E2F5: variants seen among roughly 807,000 people sequenced by gnomAD.
E2F5 encodes the protein E2F transcription factor 5, also known as transcription factor E2F5.
Under a neutral mutation model 39.1 loss-of-function variants are expected in E2F5, and 23 were observed. That is an observed-to-expected ratio of 0.59 (90% CI 0.42 to 0.83). The LOEUF is 0.83. Among genes scored for constraint, E2F5 ranks in the 40% least tolerant of loss-of-function variants. The pLI is 0.00. For missense variants in E2F5, 365 were observed against 406.7 expected, an observed-to-expected ratio of 0.90 and a Z score of 0.88; for synonymous variants, 145 against 157.8, an observed-to-expected ratio of 0.92 and a Z score of 0.61.
At chr8:85,205,715 C>T (rs568128197) in intron 3 of E2F5, among the ~76,000 whole-genome samples, 14 of 152,330 alleles carry the variant, frequency 9.2e-5, no homozygotes, top group Admixed American at 2.6e-4. Context: ...CCTTGCCTCC[C>T]GTCACTAGGA....
At chr8:85,204,004 C>G (rs2129728465) in intron 3 of E2F5, among the ~76,000 whole-genome samples, 1 of 151,944 alleles carries the variant, frequency 6.6e-6, no homozygotes, top group Non-Finnish European at 1.5e-5. Flanking sequence ...CTTGTAGCAC[C>G]TCATGAAATT....
intron 1 of E2F5, among the ~76,000 whole-genome samples, chr8:85,185,100 T>A (rs1420060061): frequency 6.6e-6 from 1 of 152,176 alleles, no homozygotes; most frequent in Non-Finnish European, 1.5e-5. Context: ...TCATGCTACC[T>A]GACTTCAAAC....
intron 4 of E2F5, 133 bp downstream of exon 4, chr8:85,206,353 C>A (rs1467033090): frequency 1.2e-6 from 1 of 824,590 alleles, no homozygotes; most frequent in Non-Finnish European, 1.9e-6. Context: ...TCCACCATGC[C>A]GTGTATTGAT....
intron 1 of E2F5, among the ~76,000 whole-genome samples, chr8:85,197,861 G>T (rs2129701070): frequency 6.6e-6 from 1 of 152,234 alleles, no homozygotes; most frequent in South Asian, 2.1e-4. Context: ...GTCCAGGGCT[G>T]GAGGAAAATG....
chr8:85,200,344 A>G (rs1297512270), intron 1 of E2F5: 8 of 875,686 alleles, frequency 9.1e-6, no homozygotes, highest in Non-Finnish European at 9.4e-6. Flanking sequence ...ATGTTTACAT[A>G]CTTAAATAGT....
At chr8:85,197,756 A>G (rs980219463) in intron 1 of E2F5, among the ~76,000 whole-genome samples, 1 of 152,186 alleles carries the variant, frequency 6.6e-6, no homozygotes, top group Non-Finnish European at 1.5e-5. Flanking sequence ...ATTAAGAAAT[A>G]TATATACTTA....
At position 85,214,444 on chromosome 8, in the gene E2F5, T is replaced by G; in HGVS notation, c.*582T>G. ...AGGTTATAGGAAAGATCTGTTTATG[T>G]AGTTTGTTTTTAAAATGTGCCAATG... On this transcript the variant is annotated 3_prime_UTR_variant, in exon 8 of 8. Coordinates refer to ENST00000416274, the MANE Select transcript of E2F5 (RefSeq NM_001951.4). 1.4e-6 allele frequency: 1 copy of G among 733,002 alleles called. No homozygotes were observed. Among genetic ancestry groups the G allele is most frequent in the Non-Finnish European group, 2.4e-6 (1 of 414,808 alleles). 45.4% of individuals were successfully genotyped at this position (733,002 alleles called of 1,614,324 possible). A position where few individuals can be genotyped will look rare whatever the true frequency, so the allele number is the denominator to read the frequency against.
intron 1 of E2F5, among the ~76,000 whole-genome samples, chr8:85,186,762 G>T (rs1812350454): frequency 6.8e-6 from 1 of 146,494 alleles, no homozygotes; most frequent in South Asian, 2.1e-4. Context: ...TATATATAAG[G>T]TGTATATATA....
chr8:85,179,581 T>C (rs1280853184), intron 1 of E2F5, among the ~76,000 whole-genome samples: 1 of 151,512 alleles, frequency 6.6e-6, no homozygotes, highest in Non-Finnish European at 1.5e-5. Context: ...AGTTTTCATA[T>C]ATATGTATGA....
rs4150934 is a variant in E2F5 at position 85,202,033 on chromosome 8, C to T, written c.235-114C>T. 0.014 allele frequency: 11,741 copies of T among 810,572 alleles called. 950 individuals are homozygous for T. The African/African-American group carries it at 0.18, about 12-fold the overall frequency. The allele number at this position is 810,572 out of a possible 1,614,324, so 50.2% of individuals were successfully genotyped here. A position where few individuals can be genotyped will look rare whatever the true frequency, so the allele number is the denominator to read the frequency against. ...ATGCTCAGCTATTGTCCCCAAGCAA[C>T]TGAGTGGGTCAAATTTGAGATTGGA... On this transcript the variant is annotated intron_variant, in intron 1 of 7. Transcript: ENST00000416274.
Position 85,207,451 on chromosome 8 carries a change from C to A in E2F5, c.577C>A (p.Pro193Thr), listed in dbSNP as rs1453252616. Reference sequence around the variant, plus strand: ...TGATACACTTTTGGCCATTCAGGCACCTTCTGGTACACAACTGGAGGTACC... The same window carrying A: ...TGATACACTTTTGGCCATTCAGGCAACTTCTGGTACACAACTGGAGGTACC... ...NGDTLLAIQAPSGTQLEVPIP... is the reference protein window; with the variant it reads ...NGDTLLAIQATSGTQLEVPIP... The change falls in exon 5 of 8, where the codon CCT becomes ACT. Residue 193 changes from proline (P) to threonine (T), a missense_variant. Physicochemically the swap from Pro to Thr is conservative, Grantham distance 38. Transcript: ENST00000416274. 2 of 1,561,674 alleles carry A rather than the reference C, an allele frequency of 1.3e-6. No homozygotes were observed. Among genetic ancestry groups the A allele is most frequent in the Non-Finnish European group, 1.7e-6 (2 of 1,151,682 alleles).
chr8:85,193,484 A>G (rs765479192), intron 1 of E2F5, among the ~76,000 whole-genome samples: 69 of 152,180 alleles, frequency 4.5e-4, no homozygotes, highest in Non-Finnish European at 8.8e-4. Flanking sequence ...ATCTCAATCA[A>G]TCGATCAATC....
intron 1 of E2F5, among the ~76,000 whole-genome samples, chr8:85,192,712 GT>G (rs893439638): frequency 6.6e-6 from 1 of 152,212 alleles, no homozygotes; most frequent in African/African-American, 2.4e-5. Flanking sequence ...CATAATAATA[GT>G]TTTTAAGTCC....
chr8:85,196,574 G>C (rs954771118), intron 1 of E2F5, among the ~76,000 whole-genome samples: 2 of 152,034 alleles, frequency 1.3e-5, no homozygotes, highest in Non-Finnish European at 2.9e-5. Flanking sequence ...GAAACTTTTG[G>C]CTGTGTACCA....
chr8:85,206,245 G>T, intron 4 of E2F5, 25 bp downstream of exon 4: 1 of 1,604,576 alleles, frequency 6.2e-7, no homozygotes, highest in Non-Finnish European at 8.5e-7. Flanking sequence ...ACTTTTCCTT[G>T]CATTCTTCCT....
chr8:85,201,586 C>A (rs1010892072), intron 1 of E2F5, among the ~76,000 whole-genome samples: 1 of 152,116 alleles, frequency 6.6e-6, no homozygotes, highest in African/African-American at 2.4e-5. Context: ...TGATTTCTTG[C>A]TGATTTTATG....
chr8:85,192,356 A>C (rs1812484058), intron 1 of E2F5, among the ~76,000 whole-genome samples: 1 of 152,206 alleles, frequency 6.6e-6, no homozygotes, highest in African/African-American at 2.4e-5. Context: ...TTGGAACCCA[A>C]GATAAAGTTG....
rs535646390 is a variant in E2F5 at position 85,200,409 on chromosome 8, T to C, written c.235-1738T>C. The C allele has an allele frequency of 1.5e-5, 8 of 538,944 alleles. No individual in the cohort carries two copies. In the South Asian group the frequency reaches 6.4e-4, roughly 43 times the overall value. 33.4% of individuals were successfully genotyped at this position (538,944 alleles called of 1,614,324 possible). On this transcript the variant is annotated intron_variant, in intron 1 of 7. Coordinates refer to ENST00000416274, the MANE Select transcript of E2F5 (RefSeq NM_001951.4). ...AGAAACTAGGGGTTAAATGTTGTGA[T>C]TGTTAAGCAGTAATAAATATAAATG...
intron 1 of E2F5, among the ~76,000 whole-genome samples, chr8:85,186,530 C>A (rs747458137): frequency 1.4e-5 from 2 of 146,494 alleles, no homozygotes; most frequent in East Asian, 2.0e-4. Context: ...TATATATGTA[C>A]GGTATATATA....
Sources: allele counts gnomAD v4.1 joint callset (sites outside exome capture counted in the v4.1 genomes callset), GRCh38; gene constraint gnomAD v4.1.1; transcripts MANE v1.5; gene names NCBI Gene and HGNC (gene_info 2026-07-23, HGNC 2026-07-21).